UTRN: variants seen among roughly 807,000 people sequenced by gnomAD.
UTRN encodes dystrophin-related protein 1.
UTRN carries 283 observed loss-of-function variants against 463.9 expected under a neutral mutation model. The ratio of observed to expected loss-of-function variants is 0.61; its 90% CI spans 0.55 to 0.67. UTRN has a LOEUF of 0.67. Among genes scored for constraint, UTRN ranks in the 30% least tolerant of loss-of-function variants. The pLI is 0.00. For missense variants in UTRN, 3,922 were observed against 4,084.3 expected (o/e 0.96, Z 1.08); for synonymous variants, 1,442 against 1,431.5 (o/e 1.01, Z -0.17).
Position 144,459,337 on chromosome 6 carries a change from A to G in UTRN, c.2690A>G (p.Gln897Arg). 1 of 1,604,388 alleles carries G rather than the reference A, an allele frequency of 6.2e-7. No homozygotes were observed. Among genetic ancestry groups the G allele is most frequent in the Non-Finnish European group, 8.5e-7 (1 of 1,176,244 alleles). The change falls in exon 21 of 75, where the codon CAA (glutamine) becomes CGA (arginine). Residue 897 changes from glutamine to arginine, a missense_variant. Around this residue, in one of 3 missense-constraint regions of UTRN, gnomAD observed 2,349 missense variants for 2,303.8 expected, o/e 1.02. Coordinates refer to ENST00000367545, the MANE Select transcript of UTRN (RefSeq NM_007124.3). ...QAVQEAVEDR[Q>R]QHLENELKGQ... ...GTACAAGAGGCTGTAGAGGATCGTC[A>G]ACAACATCTAGAGAATGGTAAACCC...
chr6:144,431,244 A>G (rs191531297), intron 9 of UTRN, among the ~76,000 whole-genome samples: 34 of 152,320 alleles, frequency 2.2e-4, no homozygotes, highest in African/African-American at 7.2e-4. Flanking sequence ...TTAAAAAGGA[A>G]GGAGACTTCA....
chr6:144,695,243 A>T (rs978771259), intron 52 of UTRN, among the ~76,000 whole-genome samples: 1 of 152,138 alleles, frequency 6.6e-6, no homozygotes, highest in African/African-American at 2.4e-5. Context: ...AACTTCTTTG[A>T]CCATGGTGTG....
chr6:144,473,126 T>G (rs2128568854), intron 23 of UTRN, among the ~76,000 whole-genome samples: 1 of 152,306 alleles, frequency 6.6e-6, no homozygotes, highest in Non-Finnish European at 1.5e-5. Context: ...TCTCTTTCTC[T>G]TTGCAAAATG....
chr6:144,818,955 A>G (rs1779326538), intron 65 of UTRN, among the ~76,000 whole-genome samples: 1 of 151,272 alleles, frequency 6.6e-6, no homozygotes, highest in Admixed American at 6.6e-5. Context: ...CAGATCTTAT[A>G]ACAACCCTTT....
intron 54 of UTRN, among the ~76,000 whole-genome samples, chr6:144,738,314 G>A (rs1789666680): frequency 6.6e-6 from 1 of 152,150 alleles, no homozygotes; most frequent in Non-Finnish European, 1.5e-5. Context: ...CAGAATTCCT[G>A]TGTGAACCAC....
At chr6:144,578,073 C>T (rs140218699) in intron 51 of UTRN, among the ~76,000 whole-genome samples, 8,145 of 151,962 alleles carry the variant, frequency 0.054, 725 homozygotes, top group African/African-American at 0.19. Context: ...CGTGGTGGTG[C>T]GCACCTGTAG....
intron 9 of UTRN, among the ~76,000 whole-genome samples, chr6:144,433,982 C>T (rs967581144): frequency 2.0e-5 from 3 of 152,212 alleles, no homozygotes; most frequent in Non-Finnish European, 4.4e-5. Flanking sequence ...TTTGGGAGGC[C>T]AAGGCAGGCG....
At chr6:144,474,558 C>A in intron 24 of UTRN, 46 bp from the exon 25 acceptor site, 7 of 1,544,976 alleles carry the variant, frequency 4.5e-6, no homozygotes, top group Non-Finnish European at 6.1e-6. Flanking sequence ...ATTATGGCAT[C>A]CACTTATATA....
chr6:144,445,361 A>AG (rs1787566561), intron 14 of UTRN, among the ~76,000 whole-genome samples: 1 of 151,374 alleles, frequency 6.6e-6, no homozygotes, highest in East Asian at 1.9e-4. Context: ...CAAAAAAAAA[A>AG]AAAAAAAAGC....
intron 50 of UTRN, among the ~76,000 whole-genome samples, chr6:144,561,262 C>T (rs7765135): frequency 0.013 from 1,049 of 80,728 alleles, 21 homozygotes; most frequent in East Asian, 0.027. Context: ...TATATATATA[C>T]ATACACACAC....
rs758546641 is a variant in UTRN, at chr6:144,461,344, TA to T, written c.2853+4del. On this transcript the variant is annotated splice_donor_region_variant and intron_variant, in intron 22 of 74. Transcript: ENST00000367545. ...GAGAAGGCCCTGCAAGAAAAAAAGG[TA>T]ACATATATCTTCCATGTTAGAACTC... 6.4e-7 allele frequency: 1 copy of T among 1,558,174 alleles called. No homozygotes were observed. The highest frequency in any genetic ancestry group is 1.2e-5 in the South Asian group (1 of 80,124).
intron 61 of UTRN, among the ~76,000 whole-genome samples, chr6:144,786,320 T>C (rs931134462): frequency 6.6e-6 from 1 of 152,192 alleles, no homozygotes; most frequent in African/African-American, 2.4e-5. Flanking sequence ...AGAGTCTCAC[T>C]CTGTCGCCAG....
chr6:144,545,865 C>T (rs561130991), intron 46 of UTRN, among the ~76,000 whole-genome samples: 24 of 152,208 alleles, frequency 1.6e-4, no homozygotes, highest in Admixed American at 1.6e-3. Flanking sequence ...ACTAAAAATA[C>T]AAAAATTAGC....
rs113015524 is a variant in UTRN, at chr6:144,633,111, A to G, written c.7480-45295A>G. ...GCCAGTGCTTCATTGCTTATGTGCA[A>G]TGAGGCATTTAACAAAATAAATTGG... is the stretch of plus-strand genomic sequence containing the variant. On this transcript the variant is annotated intron_variant, in intron 51 of 74. Transcript: ENST00000367545. 3.9e-5 allele frequency among the ~76,000 whole-genome samples: 6 copies of G among 152,312 alleles called. 1 individual carries two copies. Among genetic ancestry groups the G allele is most frequent in the African/African-American group, 1.4e-4 (6 of 41,578 alleles).
chr6:144,745,950 T>A (rs1790690017), intron 54 of UTRN, among the ~76,000 whole-genome samples: 2 of 151,362 alleles, frequency 1.3e-5, no homozygotes, highest in Non-Finnish European at 2.9e-5. Flanking sequence ...ACATTTTATA[T>A]TTATATAAAA....
chr6:144,343,420 C>T (rs1777306487), intron 2 of UTRN, among the ~76,000 whole-genome samples: 1 of 146,462 alleles, frequency 6.8e-6, no homozygotes. Context: ...AATAGCCGGG[C>T]ATGGTGGTGG....
intron 54 of UTRN, among the ~76,000 whole-genome samples, chr6:144,741,548 C>G (rs1790087966): frequency 6.6e-6 from 1 of 152,060 alleles, no homozygotes. Flanking sequence ...TTTTTTCCTC[C>G]TGAAACATTC....
chr6:144,758,074 T>A, intron 58 of UTRN, 85 bp downstream of exon 58: 1 of 1,198,848 alleles, frequency 8.3e-7, no homozygotes, highest in Non-Finnish European at 1.2e-6. Context: ...CCATAACTTT[T>A]AAAAATAGAA....
chr6:144,552,439 C>T (rs189216211), intron 48 of UTRN, among the ~76,000 whole-genome samples: 5 of 152,156 alleles, frequency 3.3e-5, no homozygotes, highest in African/African-American at 1.2e-4. Flanking sequence ...ATTGACAAGC[C>T]ATTTCCAGTT....
Sources: gnomAD v4.1 joint callset for allele counts (sites outside exome capture counted in the v4.1 genomes callset) on GRCh38, gnomAD v4.1.1 for gene constraint, gnomAD v4.1.1 regional missense constraint, MANE v1.5 for transcripts, NCBI Gene and HGNC (gene_info 2026-07-23, HGNC 2026-07-21) for gene names.